Variants in STN1 observed in about 807,000 individuals in gnomAD.
STN1 encodes the protein STN1 subunit of CST complex.
In STN1, 29 loss-of-function variants were observed where a neutral mutation model predicts 45.5. The observed-to-expected ratio is 0.64, with a 90% CI of 0.47 to 0.87. STN1 has a LOEUF of 0.87. Among genes scored for constraint, STN1 ranks in the 40% least tolerant of loss-of-function variants. The pLI, the probability that STN1 is intolerant of heterozygous loss-of-function variation, is 0.00. For synonymous variants in STN1, 148 were observed against 159.0 expected (o/e 0.93, Z 0.52); for missense variants, 376 against 441.4 (o/e 0.85, Z 1.33).
rs747429597 is a variant in STN1, at chr10:103,881,689, T to C, written c.*995A>G. 1.1e-4 allele frequency among the ~76,000 whole-genome samples: 16 copies of C among 152,244 alleles called. No individual in the cohort carries two copies. The highest frequency in any genetic ancestry group is 1.6e-4 in the Non-Finnish European group (11 of 68,048). On this transcript the variant is annotated 3_prime_UTR_variant, in exon 10 of 10. Transcript: ENST00000224950. ...TGCAGCAGACGAAGGCAGTGCCTTC[T>C]GTGAAATGACTGTAATTAACTCCAA...
chr10:103,903,600 C>T (rs553588006), intron 4 of STN1, among the ~76,000 whole-genome samples: 2 of 152,266 alleles, frequency 1.3e-5, no homozygotes, highest in African/African-American at 2.4e-5. Flanking sequence ...AACAGTTCTC[C>T]TCCCCTCTGG....
chr10:103,894,914 T>C (rs1227755785), intron 7 of STN1, among the ~76,000 whole-genome samples: 1 of 152,094 alleles, frequency 6.6e-6, no homozygotes, highest in Non-Finnish European at 1.5e-5. Flanking sequence ...AGGACCACTA[T>C]GAAAAAAAGG....
intron 9 of STN1, among the ~76,000 whole-genome samples, chr10:103,884,274 G>C (rs1843089800): frequency 6.6e-6 from 1 of 151,838 alleles, no homozygotes; most frequent in Admixed American, 6.6e-5. Context: ...AGTCAAACTG[G>C]GGGTTGTGCC....
At chr10:103,890,265 T>C (rs1045848217) in intron 8 of STN1, among the ~76,000 whole-genome samples, 3 of 152,194 alleles carry the variant, frequency 2.0e-5, no homozygotes, top group Non-Finnish European at 4.4e-5. Context: ...ACCTGCCTTC[T>C]CTCAGCTCAC....
rs151262540 is a variant in STN1, at chr10:103,882,690, C to T, written c.1101G>A (p.Ala367=). 116 of 1,610,166 alleles carry T rather than the reference C, an allele frequency of 7.2e-5. No homozygotes were observed. The highest frequency in any genetic ancestry group is 4.0e-4 in the African/African-American group (30 of 74,844). Reference sequence around the variant, plus strand: ...CTGGTCTGCGTGTCTCTGCTCAGAACGCTGTGTAGTAGTGCTCCATTGTGC... The same window carrying T: ...CTGGTCTGCGTGTCTCTGCTCAGAATGCTGTGTAGTAGTGCTCCATTGTGC... ...IVSTMEHYYT[A]F Residue 367 remains alanine, a synonymous_variant, in exon 10 of 10, where the codon GCG becomes GCA. Transcript: ENST00000224950.
intron 7 of STN1, 50 bp from the exon 8 acceptor site, chr10:103,892,302 G>A (rs776555814): frequency 6.5e-6 from 10 of 1,535,390 alleles, no homozygotes; most frequent in African/African-American, 1.4e-5. Flanking sequence ...CTCACCTTAC[G>A]GCACCTGAGA....
chr10:103,900,916 G>A (rs979829239), intron 4 of STN1, among the ~76,000 whole-genome samples: 3 of 152,150 alleles, frequency 2.0e-5, no homozygotes, highest in African/African-American at 7.2e-5. Context: ...GGGTACTATA[G>A]ATGCTGTTCT....
intron 7 of STN1, among the ~76,000 whole-genome samples, chr10:103,894,199 C>T (rs1589498096): frequency 6.6e-6 from 1 of 152,140 alleles, no homozygotes; most frequent in Non-Finnish European, 1.5e-5. Context: ...CTTCTTTAGT[C>T]AATTTAACAT....
intron 3 of STN1, among the ~76,000 whole-genome samples, chr10:103,907,007 TG>T (rs2134371564): frequency 6.6e-6 from 1 of 152,150 alleles, no homozygotes; most frequent in South Asian, 2.1e-4. Flanking sequence ...GCCTGCTACT[TG>T]GGGGGCTGAG....
In STN1 at chr10:103,893,389, C is replaced by T. The variant is rs188239280; in HGVS notation, c.754-1137G>A. Among the ~76,000 whole-genome samples, 545 of 152,172 alleles carry T rather than the reference C, an allele frequency of 3.6e-3. 7 individuals are homozygous for T. The highest frequency in any genetic ancestry group is 0.014 in the Middle Eastern group (4 of 294). Reference sequence around the variant, plus strand: ...TTCACCATGTTAGCCAGGATGGTCTCGATCTCCCGACCTCGTGATCCACCC... The same window carrying T: ...TTCACCATGTTAGCCAGGATGGTCTTGATCTCCCGACCTCGTGATCCACCC... On this transcript the variant is annotated intron_variant, in intron 7 of 9. Transcript: ENST00000224950.
chr10:103,886,635 G>A (rs952460649), intron 9 of STN1, among the ~76,000 whole-genome samples: 3 of 152,150 alleles, frequency 2.0e-5, no homozygotes, highest in African/African-American at 7.2e-5. Context: ...TGAGCCTTCA[G>A]GCCTGCAGGC....
intron 2 of STN1, 52 bp downstream of exon 2, chr10:103,917,410 G>T: frequency 6.4e-7 from 1 of 1,570,084 alleles, no homozygotes; most frequent in South Asian, 1.2e-5. Context: ...TGAGACTTTG[G>T]GAAAGGGTGG....
At chr10:103,914,300 C>T (rs973198188) in intron 2 of STN1, among the ~76,000 whole-genome samples, 11 of 138,376 alleles carry the variant, frequency 7.9e-5, no homozygotes, top group Admixed American at 3.7e-4. Context: ...ACAATAAATA[C>T]GACTTCTGTA....
intron 2 of STN1, among the ~76,000 whole-genome samples, chr10:103,911,634 G>A (rs1843291621): frequency 6.6e-6 from 1 of 151,926 alleles, no homozygotes; most frequent in African/African-American, 2.4e-5. Flanking sequence ...CTCCCACCTT[G>A]GTGTCTCAAA....
chr10:103,911,815 G>A (rs113340854), intron 2 of STN1, among the ~76,000 whole-genome samples: 7 of 152,186 alleles, frequency 4.6e-5, no homozygotes, highest in Admixed American at 1.3e-4. Context: ...GAATCCCGAC[G>A]CCCCTTATAA....
At chr10:103,905,065 T>C (rs756925859) in intron 4 of STN1, 26 bp downstream of exon 4, 1 of 1,602,392 alleles carries the variant, frequency 6.2e-7, no homozygotes. Context: ...AGGTGAAAAG[T>C]AAAGGAATGT....
chr10:103,890,339 G>A (rs74157364), intron 8 of STN1, among the ~76,000 whole-genome samples: 1 of 152,176 alleles, frequency 6.6e-6, no homozygotes, highest in East Asian at 1.9e-4. Context: ...AAAGCACTAG[G>A]CAAACAGAAG....
At chr10:103,917,715 C>T (rs1304172438) in intron 1 of STN1, 59 bp from the exon 2 acceptor site, 3 of 1,145,636 alleles carry the variant, frequency 2.6e-6, no homozygotes, top group South Asian at 1.5e-5. Flanking sequence ...AGTGGCACGG[C>T]CCTGACGCTG....
chr10:103,906,933 C>T (rs1843245237), intron 3 of STN1, among the ~76,000 whole-genome samples: 1 of 152,180 alleles, frequency 6.6e-6, no homozygotes, highest in Non-Finnish European at 1.5e-5. Flanking sequence ...AAATTTAAAT[C>T]TTAATGAGCA....
Sources: allele counts gnomAD v4.1 joint callset (sites outside exome capture counted in the v4.1 genomes callset), GRCh38; gene constraint gnomAD v4.1.1; transcripts MANE v1.5; gene names NCBI Gene and HGNC (gene_info 2026-07-23, HGNC 2026-07-21).